DCD: variants seen among roughly 807,000 people sequenced by gnomAD.
The protein encoded by DCD is dermcidin.
Under a neutral mutation model 14.5 loss-of-function variants are expected in DCD, and 17 were observed. That is an observed-to-expected ratio of 1.18 (90% CI 0.81 to 1.76). DCD has a LOEUF of 1.76. DCD is among the 40% of genes most tolerant of loss of function. The pLI is 0.00. For missense variants in DCD, 139 were observed against 133.4 expected (o/e 1.04, Z -0.21); for synonymous variants, 64 against 54.0 (o/e 1.19, Z -0.82).
At position 54,647,122 on chromosome 12, in the gene DCD, G is replaced by T. The variant is rs934182338; in HGVS notation, c.96C>A (p.Asn32Lys). The change falls in exon 2 of 5, where the codon AAC (asparagine) becomes AAA (lysine). Residue 32 changes from asparagine to lysine, a missense_variant and splice_region_variant. Transcript: ENST00000293371. The part of the protein sequence containing the change: ...PEAASAPGSG[N>K]PCHEASAAQK... ...GCAGGAGGAAGAGAAAGGACTCACG[G>T]TTCCCCGATCCTGGGGCAGAGGCGG... The T allele has an allele frequency of 2.0e-5, 31 of 1,558,546 alleles. No homozygotes were observed. The highest frequency in any genetic ancestry group is 2.7e-5 in the African/African-American group (2 of 73,554).
At position 54,644,666 on chromosome 12, in the gene DCD, G is replaced by A. The variant is rs377645047; in HGVS notation, c.*47C>T. On this transcript the variant is annotated 3_prime_UTR_variant, in exon 5 of 5. Transcript: ENST00000293371. Reference sequence around the variant, plus strand: ...TTTTTTTAGGTTTTAGGCTGAAGACGTAAAGCCTGCTGCTCCTGGGTATCA... The same window carrying A: ...TTTTTTTAGGTTTTAGGCTGAAGACATAAAGCCTGCTGCTCCTGGGTATCA... 1.7e-5 allele frequency: 19 copies of A among 1,087,384 alleles called. No individual in the cohort carries two copies. The highest frequency in any genetic ancestry group is 2.5e-5 in the Non-Finnish European group (18 of 727,286). The allele number at this position is 1,087,384 out of a possible 1,614,324, so 67.4% of individuals were successfully genotyped here. A position where few individuals can be genotyped will look rare whatever the true frequency, so the allele number is the denominator to read the frequency against.
At chr12:54,647,381 C>T (rs1438813109) in intron 1 of DCD, among the ~76,000 whole-genome samples, 1 of 152,196 alleles carries the variant, frequency 6.6e-6, no homozygotes, top group Non-Finnish European at 1.5e-5. Context: ...CTACTCAGAA[C>T]ATCCCTATGG....
rs569588793 is a variant in DCD, at chr12:54,644,990, G to T, written c.289+183C>A. 1,544 of 1,523,636 alleles carry T rather than the reference G, an allele frequency of 1.0e-3. 5 individuals are homozygous for T. The highest frequency in any genetic ancestry group is 1.1e-3 in the Middle Eastern group (5 of 4,422). The allele number at this position is 1,523,636 out of a possible 1,614,324, so 94.4% of individuals were successfully genotyped here. ...GCAAGAGCAATAAAAAAAAAAGCAA[G>T]TTAGACCCCAGGAAGTATCAATATC... On this transcript the variant is annotated intron_variant, in intron 4 of 4. Transcript: ENST00000293371.
intron 1 of DCD, 122 bp from the exon 2 acceptor site, chr12:54,647,281 G>A: frequency 6.4e-6 from 6 of 944,326 alleles, no homozygotes; most frequent in African/African-American, 3.3e-5. Flanking sequence ...ACAGACAGGA[G>A]AGAAATCTCT....
At chr12:54,647,022 C>G in intron 2 of DCD, 99 bp downstream of exon 2, 1 of 1,309,318 alleles carries the variant, frequency 7.6e-7, no homozygotes, top group South Asian at 1.4e-5. Flanking sequence ...ACTCTCCTTC[C>G]CCGGACCCCC....
intron 2 of DCD, 60 bp downstream of exon 2, chr12:54,647,061 T>C: frequency 6.6e-7 from 1 of 1,521,496 alleles, no homozygotes; most frequent in Admixed American, 2.0e-5. Flanking sequence ...CCTCCACTCA[T>C]ATCCCAAGTC....
Position 54,645,234 on chromosome 12 carries a change from A to G in DCD, c.228T>C (p.Ala76=). The part of the protein sequence containing the change: ...LEKGLDGAKK[A]VGGLGKLGKD... ...TTCCTAGTTTTCCGAGTCCCCCCAC[A>G]GCTTTTTTTGCTCCGTCTAGGCCTT... Residue 76 remains alanine (A), a synonymous_variant, in exon 4 of 5, where the codon GCT becomes GCC. Coordinates refer to ENST00000293371, the MANE Select transcript of DCD (RefSeq NM_053283.4). The G allele has an allele frequency of 1.2e-6, 2 of 1,614,092 alleles. No individual in the cohort carries two copies. The highest frequency in any genetic ancestry group is 2.2e-5 in the South Asian group (2 of 91,078).
At position 54,648,334 on chromosome 12, in the gene DCD, A is replaced by G. The variant is rs78394705; in HGVS notation, c.-31T>C. The G allele has an allele frequency of 0.086, 138,047 of 1,613,200 alleles. 6,121 individuals are homozygous for G. The highest frequency in any genetic ancestry group is 0.095 in the South Asian group (8,613 of 90,998). On this transcript the variant is annotated 5_prime_UTR_variant, in exon 1 of 5. Coordinates refer to ENST00000293371, the MANE Select transcript of DCD (RefSeq NM_053283.4). ...TGTGTGCTGGAGTGGGTATGCCACC[A>G]AATCCTTGGAGATCTTGGGATCTAG... is the stretch of plus-strand genomic sequence containing the variant.
rs56013373 is a variant in DCD at position 54,644,598 on chromosome 12, T to A, written c.*115A>T. 2 of 794,796 alleles carry A rather than the reference T, an allele frequency of 2.5e-6. No individual in the cohort carries two copies. The highest frequency in any genetic ancestry group is 4.0e-6 in the Non-Finnish European group (2 of 496,660). The allele number at this position is 794,796 out of a possible 1,614,324, so 49.2% of individuals were successfully genotyped here. On this transcript the variant is annotated 3_prime_UTR_variant, in exon 5 of 5. Transcript: ENST00000293371. ...ACACACATACTCCAAGTATTACAGA[T>A]GCTTTCAGTTTAATAGCTGTTTTAA... is the stretch of plus-strand genomic sequence containing the variant.
chr12:54,647,589 G>GAAGC (rs1177197628), intron 1 of DCD, among the ~76,000 whole-genome samples: 5 of 152,204 alleles, frequency 3.3e-5, no homozygotes, highest in Non-Finnish European at 7.3e-5. Context: ...AAGCATGAAT[G>GAAGC]AAGCACGCAT....
At chr12:54,647,410 A>G (rs1031505994) in intron 1 of DCD, among the ~76,000 whole-genome samples, 3 of 151,852 alleles carry the variant, frequency 2.0e-5, no homozygotes, top group Admixed American at 2.0e-4. Context: ...TCATTCTCTG[A>G]CTCTCTTCTA....
chr12:54,647,228 G>A (rs553387788), intron 1 of DCD, 69 bp from the exon 2 acceptor site: 5 of 1,472,390 alleles, frequency 3.4e-6, no homozygotes, highest in East Asian at 2.5e-5. Flanking sequence ...AGCCAGGGCT[G>A]CCTAGAATTC....
intron 2 of DCD, chr12:54,646,227 G>C: frequency 2.2e-6 from 1 of 446,590 alleles, no homozygotes; most frequent in Non-Finnish European, 4.5e-6. Context: ...AAGGTGCCCG[G>C]TGTTCCCTCT....
chr12:54,644,647 T>C lies in DCD; in HGVS notation c.*66A>G. 2.2e-6 allele frequency: 2 copies of C among 920,250 alleles called. No individual in the cohort carries two copies. Among genetic ancestry groups the C allele is most frequent in the Non-Finnish European group, 3.2e-6 (2 of 616,112 alleles). The allele number at this position is 920,250 out of a possible 1,614,324, so 57.0% of individuals were successfully genotyped here. A position where few individuals can be genotyped will look rare whatever the true frequency, so the allele number is the denominator to read the frequency against. On this transcript the variant is annotated 3_prime_UTR_variant, in exon 5 of 5. Coordinates refer to ENST00000293371, the MANE Select transcript of DCD (RefSeq NM_053283.4). ...AAATTTTTTTTTTTTTTTTTTTTTTTAGGTTTTAGGCTGAAGACGTAAAGC... is the reference window on the plus strand; with the variant it reads ...AAATTTTTTTTTTTTTTTTTTTTTTCAGGTTTTAGGCTGAAGACGTAAAGC...
chr12:54,648,211 T>C (rs780852752), intron 1 of DCD, 35 bp downstream of exon 1: 1 of 1,611,240 alleles, frequency 6.2e-7, no homozygotes, highest in South Asian at 1.1e-5. Context: ...TTCAGGGGAC[T>C]ATATGGTTGG....
chr12:54,645,512 C>T, intron 3 of DCD, 94 bp downstream of exon 3: 1 of 1,143,446 alleles, frequency 8.7e-7, no homozygotes, highest in Non-Finnish European at 1.3e-6. Context: ...TAGCTGTGTC[C>T]CTGTGCTTGT....
At chr12:54,647,763 A>T (rs1314741073) in intron 1 of DCD, among the ~76,000 whole-genome samples, 2 of 152,232 alleles carry the variant, frequency 1.3e-5, no homozygotes, top group Non-Finnish European at 2.9e-5. Flanking sequence ...AAGGAAAAAT[A>T]CAGGAGGCAA....
chr12:54,646,045 G>C (rs1958258301), intron 2 of DCD: 3 of 462,336 alleles, frequency 6.5e-6, no homozygotes, highest in Middle Eastern at 6.4e-4. Context: ...GGGAGGTTTT[G>C]CAGAGGGCAC....
chr12:54,645,238 T>G lies in DCD; in HGVS notation c.224A>C (p.Lys75Thr). Residue 75 changes from lysine (K) to threonine (T), a missense_variant, in exon 4 of 5, where the codon AAA (lysine) becomes ACA (threonine). Lys to Thr is a moderately conservative substitution (Grantham distance 78, BLOSUM62 -1). Transcript: ENST00000293371. ...TAGTTTTCCGAGTCCCCCCACAGCT[T>G]TTTTTGCTCCGTCTAGGCCTTTTTC... ...LLEKGLDGAK[K>T]AVGGLGKLGK... 6.2e-7 allele frequency: 1 copy of G among 1,614,096 alleles called. No homozygotes were observed. Among genetic ancestry groups the G allele is most frequent in the Non-Finnish European group, 8.5e-7 (1 of 1,180,018 alleles).
Sources: allele counts gnomAD v4.1 joint callset (sites outside exome capture counted in the v4.1 genomes callset), GRCh38; gene constraint gnomAD v4.1.1; transcripts MANE v1.5; gene names NCBI Gene and HGNC (gene_info 2026-07-23, HGNC 2026-07-21).